CTNND2: variants seen among roughly 807,000 people sequenced by gnomAD.
CTNND2 encodes catenin delta 2.
CTNND2 carries 22 observed loss-of-function variants against 144.4 expected under a neutral mutation model. The observed-to-expected ratio is 0.15, with a 90% CI of 0.11 to 0.22. The LOEUF (loss-of-function observed/expected upper bound fraction) is 0.22. CTNND2 is among the 10% of genes least tolerant of loss of function. The pLI, the probability that CTNND2 is intolerant of heterozygous loss-of-function variation, is 1.00. For missense variants in CTNND2, 1,353 were observed against 1,618.8 expected, an observed-to-expected ratio of 0.84 and a Z score of 2.82; for synonymous variants, 751 against 695.6, an observed-to-expected ratio of 1.08 and a Z score of -1.25.
chr5:11,083,878 C>A, intron 15 of CTNND2: 1 of 1,125,840 alleles, frequency 8.9e-7, no homozygotes, highest in Non-Finnish European at 1.1e-6. Flanking sequence ...AGCTGGCTCT[C>A]ACCTGTGGCA....
At chr5:11,725,087 G>A (rs929957257) in intron 2 of CTNND2, among the ~76,000 whole-genome samples, 3 of 152,174 alleles carry the variant, frequency 2.0e-5, no homozygotes, top group Non-Finnish European at 4.4e-5. Context: ...AGCTCATTTA[G>A]AGCCCAGGGC....
chr5:11,256,145 G>A (rs1259157186), intron 9 of CTNND2, among the ~76,000 whole-genome samples: 5 of 152,032 alleles, frequency 3.3e-5, no homozygotes, highest in Non-Finnish European at 4.4e-5. Context: ...CTTCCTCCTC[G>A]GCTAACTTGG....
intron 8 of CTNND2, among the ~76,000 whole-genome samples, chr5:11,360,535 C>T (rs1347143500): frequency 2.0e-5 from 3 of 152,006 alleles, no homozygotes; most frequent in Non-Finnish European, 2.9e-5. Flanking sequence ...GCTGTAGCAC[C>T]GAATGAGGAG....
intron 3 of CTNND2, among the ~76,000 whole-genome samples, chr5:11,483,458 G>A (rs1768480045): frequency 6.6e-6 from 1 of 152,182 alleles, no homozygotes. Flanking sequence ...TCTGGCCGTT[G>A]GCAAAGAACA....
chr5:11,307,725 T>C (rs2150044241), intron 9 of CTNND2, among the ~76,000 whole-genome samples: 1 of 152,326 alleles, frequency 6.6e-6, no homozygotes, highest in East Asian at 1.9e-4. Flanking sequence ...CTTATTACTT[T>C]TAAGGGCAAA....
chr5:11,023,520 G>A (rs1438241743), intron 16 of CTNND2, among the ~76,000 whole-genome samples: 2 of 152,306 alleles, frequency 1.3e-5, no homozygotes, highest in East Asian at 3.9e-4. Context: ...GATCACATAT[G>A]TGAGTACTGA....
chr5:11,289,899 G>T (rs1013384153), intron 9 of CTNND2, among the ~76,000 whole-genome samples: 1 of 152,148 alleles, frequency 6.6e-6, no homozygotes, highest in Non-Finnish European at 1.5e-5. Context: ...CCATGAGCTC[G>T]GCTGGGGCAA....
chr5:11,204,286 C>T (rs188743769), intron 10 of CTNND2, among the ~76,000 whole-genome samples: 40 of 151,818 alleles, frequency 2.6e-4, no homozygotes, highest in Middle Eastern at 6.8e-3. Flanking sequence ...GGGGAATGAA[C>T]ACTAGAATGT....
chr5:11,412,441 A>T (rs1761617342), intron 3 of CTNND2, among the ~76,000 whole-genome samples: 1 of 152,172 alleles, frequency 6.6e-6, no homozygotes, highest in South Asian at 2.1e-4. Context: ...GTAGCCTAAT[A>T]AGGAAATAAC....
At chr5:11,434,668 A>C (rs1236515958) in intron 3 of CTNND2, among the ~76,000 whole-genome samples, 1 of 152,222 alleles carries the variant, frequency 6.6e-6, no homozygotes, top group African/African-American at 2.4e-5. Flanking sequence ...GTATGTGGTA[A>C]ATCAAGTATA....
intron 2 of CTNND2, among the ~76,000 whole-genome samples, chr5:11,604,889 T>C (rs924277960): frequency 2.6e-5 from 4 of 152,230 alleles, no homozygotes; most frequent in Admixed American, 6.5e-5. Context: ...TTTGACCAGT[T>C]ACATTTGTGC....
intron 16 of CTNND2, chr5:11,027,236 T>C (rs1742941589): frequency 6.6e-6 from 1 of 152,236 alleles, no homozygotes; most frequent in African/African-American, 2.4e-5. Flanking sequence ...AAAATTGGAA[T>C]GATACAGAGA....
intron 2 of CTNND2, among the ~76,000 whole-genome samples, chr5:11,700,898 T>A (rs1202326173): frequency 6.6e-6 from 1 of 152,212 alleles, no homozygotes; most frequent in East Asian, 1.9e-4. Flanking sequence ...AAATCTGTCA[T>A]GTTGAAAGAA....
rs149276585 is a variant in CTNND2 at position 11,056,896 on chromosome 5, C to G, written c.2788+25800G>C. On this transcript the variant is annotated intron_variant, in intron 16 of 21. Coordinates refer to ENST00000304623, the MANE Select transcript of CTNND2 (RefSeq NM_001332.4). Reference sequence around the variant, plus strand: ...AGAAGCTCAGGCCGCATGCCAGAGACTCAGATTCAGGAGCCTTCAGGTCTG... The same window carrying G: ...AGAAGCTCAGGCCGCATGCCAGAGAGTCAGATTCAGGAGCCTTCAGGTCTG... Among the ~76,000 whole-genome samples, 64 of 152,330 alleles carry G rather than the reference C, an allele frequency of 4.2e-4. No individual in the cohort carries two copies. In the East Asian group the frequency reaches 0.012, roughly 28 times the overall value.
rs1333390614 is a variant in CTNND2 at position 11,384,049 on chromosome 5, A to C, written c.1177+616T>G. ...ACTTCATCATTGCTAACTTTGTCGC[A>C]AATGTTAGGACCCAAGTACATCCAA... is the stretch of plus-strand genomic sequence containing the variant. On this transcript the variant is annotated intron_variant, in intron 7 of 21. Coordinates refer to ENST00000304623, the MANE Select transcript of CTNND2 (RefSeq NM_001332.4). The surrounding 1 kb of genome is among the most constrained non-coding windows in gnomAD (Gnocchi z 5.2). Among the ~76,000 whole-genome samples the C allele has an allele frequency of 6.6e-6, 1 of 152,178 alleles. No individual in the cohort carries two copies. The highest frequency in any genetic ancestry group is 2.4e-5 in the African/African-American group (1 of 41,428).
chr5:11,803,422 G>T (rs1791806460), intron 1 of CTNND2, among the ~76,000 whole-genome samples: 1 of 152,192 alleles, frequency 6.6e-6, no homozygotes, highest in African/African-American at 2.4e-5. Flanking sequence ...AAGGGGAAAA[G>T]GAATCTGAAC....
chr5:11,100,258 G>A (rs1189721345), intron 14 of CTNND2, among the ~76,000 whole-genome samples: 2 of 152,130 alleles, frequency 1.3e-5, no homozygotes, highest in Non-Finnish European at 2.9e-5. Flanking sequence ...AGAGATGAAT[G>A]ACATCCCATT....
In CTNND2 at chr5:11,385,062, G is replaced by T; in HGVS notation, c.780C>A (p.Pro260=). The change falls in exon 7 of 22, where the codon CCC becomes CCA. Residue 260 remains proline, a synonymous_variant. Transcript: ENST00000304623. ...AALYYSSSTL[P]APPRGGSPLA... is the part of the protein sequence containing the mutation. Reference sequence around the variant, plus strand: ...GCGGGGAGCCCCCGCGCGGCGGCGCGGGCAGCGTGGAGCTGGAGTAGTAGA... The same window carrying T: ...GCGGGGAGCCCCCGCGCGGCGGCGCTGGCAGCGTGGAGCTGGAGTAGTAGA... 1.8e-6 allele frequency: 2 copies of T among 1,093,788 alleles called. No individual in the cohort carries two copies. The highest frequency in any genetic ancestry group is 2.2e-6 in the Non-Finnish European group (2 of 905,742). 67.8% of individuals were successfully genotyped at this position (1,093,788 alleles called of 1,614,324 possible).
chr5:11,898,919 G>T (rs1237134858), intron 1 of CTNND2, among the ~76,000 whole-genome samples: 1 of 152,170 alleles, frequency 6.6e-6, no homozygotes, highest in East Asian at 1.9e-4. Context: ...TAAAAATTAT[G>T]TTGCTGAAGA....
Sources: gnomAD v4.1 joint callset for allele counts (sites outside exome capture counted in the v4.1 genomes callset) on GRCh38, gnomAD v4.1.1 for gene constraint, Gnocchi (gnomAD v3.1) non-coding constraint, MANE v1.5 for transcripts, NCBI Gene and HGNC (gene_info 2026-07-23, HGNC 2026-07-21) for gene names.